Variants in PPM1B observed in about 807,000 individuals in gnomAD.
PPM1B encodes protein phosphatase, Mg2+/Mn2+ dependent 1B.
In PPM1B, 22 loss-of-function variants were observed where a neutral mutation model predicts 43.0. That is an observed-to-expected ratio of 0.51 (90% CI 0.37 to 0.73). The LOEUF is 0.73. Ranked by LOEUF, PPM1B falls within the 30% of genes least tolerant of loss-of-function variation. The pLI, the probability that PPM1B is intolerant of heterozygous loss-of-function variation, is 0.00. For synonymous variants in PPM1B, 217 were observed against 197.9 expected, an observed-to-expected ratio of 1.10 and a Z score of -0.81; for missense variants, 632 against 584.2, an observed-to-expected ratio of 1.08 and a Z score of -0.84.
chr2:44,191,156 A>G (rs534398982), intron 1 of PPM1B, among the ~76,000 whole-genome samples: 1 of 152,316 alleles, frequency 6.6e-6, no homozygotes, highest in South Asian at 2.1e-4. Flanking sequence ...GTTTTTAAAT[A>G]CTTTTGCCAC....
intron 1 of PPM1B, among the ~76,000 whole-genome samples, chr2:44,188,393 CT>C (rs67959948): frequency 0.57 from 52,431 of 92,496 alleles, 13,371 homozygotes; most frequent in East Asian, 0.69. Context: ...TTCTTTCTTT[CT>C]TTTTTTTTTT....
chr2:44,171,378 G>A (rs1468130338), intron 1 of PPM1B, among the ~76,000 whole-genome samples: 1 of 152,180 alleles, frequency 6.6e-6, no homozygotes, highest in Admixed American at 6.5e-5. Flanking sequence ...GGTTGACAGG[G>A]TCAGAAAAAG....
At chr2:44,230,385 A>T (rs761632955) in intron 5 of PPM1B, 28 bp from the exon 6 acceptor site, 2 of 1,608,664 alleles carry the variant, frequency 1.2e-6, no homozygotes, top group Non-Finnish European at 8.5e-7. Context: ...TTGTCTACTG[A>T]CACTGGGGTC....
rs550814772 is a variant in PPM1B, at chr2:44,230,095, G to GT, written c.1135-315dup. The GT allele has an allele frequency of 2.7e-4, 411 of 1,505,066 alleles. No homozygotes were observed. In the African/African-American group the frequency reaches 5.1e-3, roughly 19 times the overall value. The allele number at this position is 1,505,066 out of a possible 1,614,324, so 93.2% of individuals were successfully genotyped here. A position where few individuals can be genotyped will look rare whatever the true frequency, so the allele number is the denominator to read the frequency against. On this transcript the variant is annotated intron_variant, in intron 5 of 5. Coordinates refer to ENST00000282412, the MANE Select transcript of PPM1B (RefSeq NM_002706.6). The stretch of plus-strand genomic sequence containing the variant: ...GTACTAAATCATATAGCCAAATATT[G>GT]TTTAAGTAAGTCAGTTTTAGGAAAT...
chr2:44,180,836 G>A (rs927160353), intron 1 of PPM1B, among the ~76,000 whole-genome samples: 6 of 151,868 alleles, frequency 4.0e-5, no homozygotes, highest in African/African-American at 7.3e-5. Context: ...CCAAGGTCAC[G>A]AATTAGGGTG....
At position 44,201,140 on chromosome 2, in the gene PPM1B, T is replaced by A; in HGVS notation, c.-14-46T>A. The A allele has an allele frequency of 6.7e-7, 1 of 1,497,340 alleles. No homozygotes were observed. The highest frequency in any genetic ancestry group is 9.0e-7 in the Non-Finnish European group (1 of 1,108,942). 92.8% of individuals were successfully genotyped at this position (1,497,340 alleles called of 1,614,324 possible). Reference sequence around the variant, plus strand: ...CTATAGAGGGAATATTGTACATACATTTTCTGTCAAATTTAAACATTTAAC... The same window carrying A: ...CTATAGAGGGAATATTGTACATACAATTTCTGTCAAATTTAAACATTTAAC... On this transcript the variant is annotated intron_variant, in intron 1 of 5. Transcript: ENST00000282412. This position sits in a 1 kb window ranked among gnomAD's most constrained non-coding sequence, Gnocchi z 5.4.
At chr2:44,232,182 T>A, downstream of PPM1B, 2 of 1,328,470 alleles carry the variant, frequency 1.5e-6, no homozygotes, top group Non-Finnish European at 2.1e-6. Flanking sequence ...ACACAACATC[T>A]CTCTGTAAAA....
At chr2:44,170,471 G>C (rs1331441223) in intron 1 of PPM1B, among the ~76,000 whole-genome samples, 1 of 152,208 alleles carries the variant, frequency 6.6e-6, no homozygotes, top group Non-Finnish European at 1.5e-5. Context: ...GGTGATGTGA[G>C]AATTACTGAG....
chr2:44,237,266 C>G (rs181834349), downstream of PPM1B, among the ~76,000 whole-genome samples: 1 of 152,124 alleles, frequency 6.6e-6, no homozygotes, highest in Admixed American at 6.5e-5. Context: ...TTTGTTTTTG[C>G]CTGTTGTTTT....
At chr2:44,226,858 G>C (rs1333574633) in intron 5 of PPM1B, among the ~76,000 whole-genome samples, 1 of 147,082 alleles carries the variant, frequency 6.8e-6, no homozygotes, top group South Asian at 2.1e-4. Context: ...AGACTGACAA[G>C]GTTTATCATT....
chr2:44,183,729 A>G (rs1423747300), intron 1 of PPM1B, among the ~76,000 whole-genome samples: 1 of 152,064 alleles, frequency 6.6e-6, no homozygotes, highest in Non-Finnish European at 1.5e-5. Flanking sequence ...ATGATTTGGT[A>G]TCTTAGTTTT....
rs140016238 is a variant in PPM1B, at chr2:44,212,896, C to T, written c.964+3569C>T. 2.1e-3 allele frequency among the ~76,000 whole-genome samples: 320 copies of T among 151,610 alleles called. 13 individuals carry two copies. In the East Asian group the frequency reaches 0.055, roughly 26 times the overall value. On this transcript the variant is annotated intron_variant, in intron 3 of 5. Transcript: ENST00000282412. ...GGCGTGGTGGTGGGCGCCTGTAGTC[C>T]CAGCTACTCAGGAGGCTGAGGCAGG...
Position 44,218,486 on chromosome 2 carries a change from T to A in PPM1B, c.1083T>A (p.Asn361Lys). ...GCATGTTTTTTTTTTTTAGGCGTAA[T>A]GTTATTGAAGCTGTTTATAGTAGAC... is the stretch of plus-strand genomic sequence containing the variant. ...PPGGGLAGKR[N>K]VIEAVYSRLN... The change falls in exon 5 of 6, where the codon AAT (asparagine) becomes AAA (lysine). Residue 361 changes from asparagine to lysine, a missense_variant. Physicochemically the swap from Asn to Lys is moderately conservative, Grantham distance 94 (BLOSUM62 0). Around this residue, in one of 3 missense-constraint regions of PPM1B, gnomAD observed 392 missense variants for 302.7 expected, o/e 1.29. Coordinates refer to ENST00000282412, the MANE Select transcript of PPM1B (RefSeq NM_002706.6). The A allele has an allele frequency of 6.3e-7, 1 of 1,579,340 alleles. No homozygotes were observed. Among genetic ancestry groups the A allele is most frequent in the South Asian group, 1.2e-5 (1 of 84,670 alleles).
At position 44,230,877 on chromosome 2, in the gene PPM1B, TTA is replaced by T; in HGVS notation, c.*161_*162del. On this transcript the variant is annotated 3_prime_UTR_variant, in exon 6 of 6. Transcript: ENST00000282412. ...TTTAAAAAGGCCTTTGCATACACCT[TTA>T]TGAGATAGTGTAAAATTGACTATTT... 7.2e-7 allele frequency: 1 copy of T among 1,382,584 alleles called. No homozygotes were observed. Among genetic ancestry groups the T allele is most frequent in the South Asian group, 1.6e-5 (1 of 60,742 alleles). 85.6% of individuals were successfully genotyped at this position (1,382,584 alleles called of 1,614,324 possible). A position where few individuals can be genotyped will look rare whatever the true frequency, so the allele number is the denominator to read the frequency against.
At chr2:44,176,258 A>AT (rs1372074608) in intron 1 of PPM1B, among the ~76,000 whole-genome samples, 1 of 152,190 alleles carries the variant, frequency 6.6e-6, no homozygotes, top group Non-Finnish European at 1.5e-5. Flanking sequence ...GGTGAACAGG[A>AT]TTTTTTAAGT....
At chr2:44,198,226 TC>T (rs1394739801) in intron 1 of PPM1B, among the ~76,000 whole-genome samples, 1 of 152,190 alleles carries the variant, frequency 6.6e-6, no homozygotes, top group Non-Finnish European at 1.5e-5. Flanking sequence ...AGTGGCACGA[TC>T]CCGGCTCACC....
At chr2:44,228,781 C>G (rs569336305) in intron 5 of PPM1B, among the ~76,000 whole-genome samples, 2 of 151,992 alleles carry the variant, frequency 1.3e-5, no homozygotes, top group South Asian at 4.2e-4. Flanking sequence ...CTTTATTTTT[C>G]TTTTTATATC....
chr2:44,173,676 C>G (rs534056678), intron 1 of PPM1B, among the ~76,000 whole-genome samples: 48 of 152,318 alleles, frequency 3.2e-4, no homozygotes, highest in African/African-American at 1.2e-3. Context: ...GGCACAGTGG[C>G]TCATGCCTGT....
At chr2:44,173,736 A>G (rs981905652) in intron 1 of PPM1B, among the ~76,000 whole-genome samples, 4 of 152,180 alleles carry the variant, frequency 2.6e-5, no homozygotes, top group Non-Finnish European at 5.9e-5. Flanking sequence ...TGAGGTCAGG[A>G]GTTCGAGACT....
Sources: allele counts gnomAD v4.1 joint callset (sites outside exome capture counted in the v4.1 genomes callset), GRCh38; gene constraint gnomAD v4.1.1; regional missense constraint gnomAD v4.1.1; non-coding constraint Gnocchi (gnomAD v3.1); transcripts MANE v1.5; gene names NCBI Gene and HGNC (gene_info 2026-07-23, HGNC 2026-07-21).